Variants in SERPINA1 observed in about 807,000 individuals in gnomAD.
SERPINA1 encodes alpha-1-antitrypsin.
SERPINA1 carries 21 observed loss-of-function variants against 25.4 expected under a neutral mutation model. That is an observed-to-expected ratio of 0.83 (90% CI 0.59 to 1.19). The LOEUF is 1.19. SERPINA1 is among the 50% of genes most tolerant of loss of function. The probability of loss-of-function intolerance (pLI) is 0.00; values close to 1 mark genes in which losing one functional copy is unlikely to be tolerated. For synonymous variants in SERPINA1, 218 were observed against 211.1 expected, an observed-to-expected ratio of 1.03 and a Z score of -0.29; for missense variants, 546 against 509.0, an observed-to-expected ratio of 1.07 and a Z score of -0.70.
intron 4 of SERPINA1, chr14:94,379,000 A>G: frequency 1.9e-6 from 1 of 536,024 alleles, no homozygotes. Context: ...CCCAGACCCC[A>G]AGATAATGCA....
At position 94,381,043 on chromosome 14, in the gene SERPINA1, C is replaced by G. The variant is rs764220898; in HGVS notation, c.745G>C (p.Gly249Arg). The G allele has an allele frequency of 4.3e-6, 7 of 1,613,948 alleles. No individual in the cohort carries two copies. The highest frequency in any genetic ancestry group is 5.9e-6 in the Non-Finnish European group (7 of 1,180,016). ...TVKVPMMKRL[G>R]MFNIQHCKKL... is the part of the protein sequence containing the mutation. ...TTACAGTGCTGGATGTTAAACATGC[C>G]TAAACGCTTCATCATAGGCACCTTC... The change falls in exon 3 of 5, where the codon GGC becomes CGC. Residue 249 changes from glycine to arginine, a missense_variant. Transcript: ENST00000393087.
At chr14:94,383,311 G>A in intron 1 of SERPINA1, 70 bp from the exon 2 acceptor site, 1 of 1,522,336 alleles carries the variant, frequency 6.6e-7, no homozygotes, top group South Asian at 1.1e-5. Flanking sequence ...ATCAGGGATT[G>A]ACACCACGTG....
chr14:94,385,056 A>G lies in SERPINA1; in HGVS notation c.-4-1815T>C, dbSNP rs185684418. On this transcript the variant is annotated intron_variant, in intron 1 of 4. Coordinates refer to ENST00000393087, the MANE Select transcript of SERPINA1 (RefSeq NM_000295.5). The stretch of plus-strand genomic sequence containing the variant: ...CCCTTTAATTTCTCTTTCACTTCCC[A>G]ACTGAACTTTGTGCAGTCCTTCATG... Among the ~76,000 whole-genome samples, 561 of 152,346 alleles carry G rather than the reference A, an allele frequency of 3.7e-3. 2 individuals are homozygous for G. The highest frequency in any genetic ancestry group is 0.013 in the African/African-American group (537 of 41,578).
Position 94,379,571 on chromosome 14 carries a change from T to C in SERPINA1, c.958A>G (p.Thr320Ala), listed in dbSNP as rs746155701. The change falls in exon 4 of 5, where the codon ACC (threonine) becomes GCC (alanine). Residue 320 changes from threonine (T) to alanine (A), a missense_variant. Physicochemically the swap from Thr to Ala is moderately conservative, Grantham distance 58. Coordinates refer to ENST00000393087, the MANE Select transcript of SERPINA1 (RefSeq NM_000295.5). ...CCCAGGACGCTCTTCAGATCATAGGTTCCAGTAATGGACAGTTTGGGTAAA... is the reference window on the plus strand; with the variant it reads ...CCCAGGACGCTCTTCAGATCATAGGCTCCAGTAATGGACAGTTTGGGTAAA... The part of the protein sequence containing the change: ...LHLPKLSITG[T>A]YDLKSVLGQL... 1.2e-6 allele frequency: 2 copies of C among 1,614,098 alleles called. No individual in the cohort carries two copies. Among genetic ancestry groups the C allele is most frequent in the African/African-American group, 2.7e-5 (2 of 74,926 alleles).
At chr14:94,380,621 G>C (rs906972533) in intron 3 of SERPINA1, 1 of 566,182 alleles carries the variant, frequency 1.8e-6, no homozygotes, top group African/African-American at 1.9e-5. Context: ...CCACACTGGA[G>C]TGGGAAGTCC....
In SERPINA1 at chr14:94,378,394, G is replaced by T; in HGVS notation, c.*55C>A. 1 of 1,458,516 alleles carries T rather than the reference G, an allele frequency of 6.9e-7. No homozygotes were observed. Among genetic ancestry groups the T allele is most frequent in the Non-Finnish European group, 9.6e-7 (1 of 1,038,420 alleles). The allele number at this position is 1,458,516 out of a possible 1,614,324, so 90.3% of individuals were successfully genotyped here. On this transcript the variant is annotated 3_prime_UTR_variant, in exon 5 of 5. Transcript: ENST00000393087. ...GGGACCAGCTCAACCCTTCTTTAAT[G>T]TCATCCAGGGAGGGGGCCAGGGATG...
rs55695365 is a variant in SERPINA1 at position 94,381,210 on chromosome 14, A to G, written c.647-69T>C. On this transcript the variant is annotated intron_variant, in intron 2 of 4. Coordinates refer to ENST00000393087, the MANE Select transcript of SERPINA1 (RefSeq NM_000295.5). ...TTTGGAAGAGTGTAGCAGAATAAAG[A>G]AACCATGAGTCCCCTCCCTGAGAAG... 9.2e-3 allele frequency: 13,792 copies of G among 1,504,106 alleles called. 522 individuals are homozygous for G. In the African/African-American group the frequency reaches 0.095, roughly 10 times the overall value. The allele number at this position is 1,504,106 out of a possible 1,614,324, so 93.2% of individuals were successfully genotyped here.
chr14:94,379,564 T>G lies in SERPINA1; in HGVS notation c.965A>C (p.Asp322Ala). 6.2e-7 allele frequency: 1 copy of G among 1,614,220 alleles called. No individual in the cohort carries two copies. ...LPKLSITGTY[D>A]LKSVLGQLGI... is the part of the protein sequence containing the mutation. ...CAGTTGACCCAGGACGCTCTTCAGA[T>G]CATAGGTTCCAGTAATGGACAGTTT... The change falls in exon 4 of 5, where the codon GAT (aspartate) becomes GCT (alanine). Residue 322 changes from aspartate (D) to alanine (A), a missense_variant. Coordinates refer to ENST00000393087, the MANE Select transcript of SERPINA1 (RefSeq NM_000295.5).
intron 1 of SERPINA1, among the ~76,000 whole-genome samples, chr14:94,387,081 A>G (rs923902413): frequency 3.9e-5 from 6 of 152,246 alleles, no homozygotes; most frequent in African/African-American, 1.4e-4. Context: ...ACATTGAATC[A>G]TCTCTGTGTA....
rs1802959 is a variant in SERPINA1, at chr14:94,378,628, C to G, written c.1078G>C (p.Ala360Pro). ...PLKLSKAVHK[A>P]VLTIDEKGTE... is the part of the protein sequence containing the mutation. ...CCTTTCTCGTCGATGGTCAGCACAG[C>G]CTTATGCACGGCCTGGAGGGGAGAG... is the stretch of plus-strand genomic sequence containing the variant. The change falls in exon 5 of 5, where the codon GCT becomes CCT. Residue 360 changes from alanine (A) to proline (P), a missense_variant. Ala to Pro is a conservative substitution (Grantham distance 27, BLOSUM62 -1). Coordinates refer to ENST00000393087, the MANE Select transcript of SERPINA1 (RefSeq NM_000295.5). 9 of 1,614,060 alleles carry G rather than the reference C, an allele frequency of 5.6e-6. No individual in the cohort carries two copies. Among genetic ancestry groups the G allele is most frequent in the Non-Finnish European group, 7.6e-6 (9 of 1,180,000 alleles).
Position 94,378,204 on chromosome 14 carries a change from C to A in SERPINA1, c.*245G>T, listed in dbSNP as rs987004115. 5.4e-5 allele frequency: 31 copies of A among 577,094 alleles called. No individual in the cohort carries two copies. The highest frequency in any genetic ancestry group is 4.7e-4 in the East Asian group (16 of 34,120). The allele number at this position is 577,094 out of a possible 1,614,324, so 35.7% of individuals were successfully genotyped here. A position where few individuals can be genotyped will look rare whatever the true frequency, so the allele number is the denominator to read the frequency against. ...CAGGTCCGTAAGCTGAGGATTCAGT[C>A]CCCCCTGGATTCAAGCCCAGCATGT... On this transcript the variant is annotated 3_prime_UTR_variant, in exon 5 of 5. Transcript: ENST00000393087.
intron 1 of SERPINA1, chr14:94,383,529 C>T: frequency 2.0e-6 from 1 of 512,320 alleles, no homozygotes; most frequent in Non-Finnish European, 3.5e-6. Context: ...GATGAAGAAA[C>T]CAAAGCCAGA....
chr14:94,381,246 C>T (rs1896894870), intron 2 of SERPINA1, 105 bp from the exon 3 acceptor site: 8 of 1,154,208 alleles, frequency 6.9e-6, no homozygotes, highest in African/African-American at 1.6e-5. Flanking sequence ...CCCTGAGCCC[C>T]CTTGACGACA....
At chr14:94,384,274 T>C (rs765254713) in intron 1 of SERPINA1, 6 of 152,200 alleles carry the variant, frequency 3.9e-5, no homozygotes, top group Non-Finnish European at 7.3e-5. Context: ...TTTTGCCTCA[T>C]ACATAAAGTG....
In SERPINA1 at chr14:94,383,135, T is replaced by C. The variant is rs1374116152; in HGVS notation, c.103A>G (p.Thr35Ala). ...TCCTGATCATGGTGGGATGTATCTG[T>C]CTTCTGGGCAGCATCTCCCTGGGGA... ...EDPQGDAAQKTDTSHHDQDHP... is the reference protein window; with the variant it reads ...EDPQGDAAQKADTSHHDQDHP... The change falls in exon 2 of 5, where the codon ACA (threonine) becomes GCA (alanine). Residue 35 changes from threonine to alanine, a missense_variant. Thr to Ala is a moderately conservative substitution (Grantham distance 58). Transcript: ENST00000393087. 1.9e-6 allele frequency: 3 copies of C among 1,614,064 alleles called. No homozygotes were observed. The highest frequency in any genetic ancestry group is 2.5e-6 in the Non-Finnish European group (3 of 1,180,034).
At chr14:94,385,898 T>C (rs1595621542) in intron 1 of SERPINA1, among the ~76,000 whole-genome samples, 1 of 152,198 alleles carries the variant, frequency 6.6e-6, no homozygotes, top group African/African-American at 2.4e-5. Flanking sequence ...CAGGGCCTTG[T>C]TGAGGCTATA....
rs772289957 is a variant in SERPINA1 at position 94,378,614 on chromosome 14, G to T, written c.1092C>A (p.Ile364=). 6.2e-7 allele frequency: 1 copy of T among 1,614,002 alleles called. No individual in the cohort carries two copies. Among genetic ancestry groups the T allele is most frequent in the Middle Eastern group, 1.6e-4 (1 of 6,062 alleles). The change falls in exon 5 of 5, where the codon ATC becomes ATA. Residue 364 remains isoleucine, a synonymous_variant. Transcript: ENST00000393087. ...CAGCAGCTTCAGTCCCTTTCTCGTC[G>T]ATGGTCAGCACAGCCTTATGCACGG... ...SKAVHKAVLT[I]DEKGTEAAGA...
chr14:94,388,809 G>A (rs940305572), upstream of SERPINA1: 3 of 152,338 alleles, frequency 2.0e-5, no homozygotes, highest in East Asian at 1.9e-4. Flanking sequence ...ACCGAAAGGA[G>A]TCATTGTACC....
Position 94,381,140 on chromosome 14 carries a change from GC to G in SERPINA1, c.647del (p.Gly216AlafsTer22), listed in dbSNP as rs1555368758. The G allele has an allele frequency of 7.4e-6, 12 of 1,611,358 alleles. No individual in the cohort carries two copies. Among genetic ancestry groups the G allele is most frequent in the Non-Finnish European group, 1.0e-5 (12 of 1,179,904 alleles). The stretch of plus-strand genomic sequence containing the variant: ...TGACTTCAAAGGGTCTCTCCCATTT[GC>G]CTGGAGAGAGGGGAAGGTGGGCATC... ...FALVNYIFFK[G>X]KWERPFEVKD... On this transcript the variant is annotated frameshift_variant and splice_region_variant, in exon 3 of 5. Transcript: ENST00000393087. LOFTEE classifies it high-confidence loss of function.
Sources: allele counts gnomAD v4.1 joint callset (sites outside exome capture counted in the v4.1 genomes callset), GRCh38; gene constraint gnomAD v4.1.1; transcripts MANE v1.5; gene names NCBI Gene and HGNC (gene_info 2026-07-23, HGNC 2026-07-21).